Variants in DPP8 observed in about 807,000 individuals in gnomAD.
The protein encoded by DPP8 is DPP VIII.
In DPP8, 31 loss-of-function variants were observed where a neutral mutation model predicts 107.5. The ratio of observed to expected loss-of-function variants is 0.29; its 90% CI spans 0.22 to 0.39. DPP8 has a LOEUF of 0.39. Ranked by LOEUF, DPP8 falls within the 10% of genes least tolerant of loss-of-function variation. The pLI, the probability that DPP8 is intolerant of heterozygous loss-of-function variation, is 1.00. For missense variants in DPP8, 842 were observed against 1,076.1 expected (o/e 0.78, Z 3.04); for synonymous variants, 381 against 356.6 (o/e 1.07, Z -0.77).
chr15:65,515,795 C>T (rs764135942), intron 1 of DPP8: 36 of 1,079,260 alleles, frequency 3.3e-5, no homozygotes, highest in Non-Finnish European at 4.4e-5. Context: ...TCAAAGCCTG[C>T]TCACCAGGAT....
In DPP8 at chr15:65,445,635, T is replaced by G. The variant is rs956638155; in HGVS notation, c.*1249A>C. Reference sequence around the variant, plus strand: ...AAACATTTGTATTTTAAGCTTACAATATCTAAATTATGTTCAAATAATTTT... The same window carrying G: ...AAACATTTGTATTTTAAGCTTACAAGATCTAAATTATGTTCAAATAATTTT... On this transcript the variant is annotated 3_prime_UTR_variant, in exon 20 of 20. Transcript: ENST00000300141. 6.5e-6 allele frequency: 1 copy of G among 153,458 alleles called. No homozygotes were observed. The highest frequency in any genetic ancestry group is 2.4e-5 in the African/African-American group (1 of 41,352). The allele number at this position is 153,458 out of a possible 1,614,324, so 9.5% of individuals were successfully genotyped here.
intron 11 of DPP8, among the ~76,000 whole-genome samples, chr15:65,477,143 G>A (rs953582550): frequency 4.6e-5 from 7 of 152,238 alleles, no homozygotes; most frequent in Non-Finnish European, 7.3e-5. Flanking sequence ...ATAATCAGCC[G>A]GGTGAGATGG....
chr15:65,466,418 G>C (rs2065356169), intron 14 of DPP8, among the ~76,000 whole-genome samples: 1 of 152,164 alleles, frequency 6.6e-6, no homozygotes, highest in Admixed American at 6.5e-5. Context: ...GATTACAGGT[G>C]TGAGCCACTG....
At chr15:65,474,370 C>G (rs751893505) in intron 11 of DPP8, 82 bp from the exon 12 acceptor site, 1 of 1,049,288 alleles carries the variant, frequency 9.5e-7, no homozygotes, top group Non-Finnish European at 1.4e-6. Context: ...ACTCTAAGCT[C>G]TTTTTTCCAA....
intron 13 of DPP8, 28 bp from the exon 14 acceptor site, chr15:65,466,841 T>C (rs1163903969): frequency 6.2e-7 from 1 of 1,602,118 alleles, no homozygotes; most frequent in South Asian, 1.1e-5. Context: ...AATTATATTT[T>C]TCGTCAGGAA....
chr15:65,497,750 G>A, intron 5 of DPP8, 114 bp downstream of exon 5: 1 of 823,648 alleles, frequency 1.2e-6, no homozygotes. Flanking sequence ...TTAAAGACTT[G>A]AATTTCAAAT....
chr15:65,474,011 G>A (rs1192740236), intron 12 of DPP8, among the ~76,000 whole-genome samples, 198 bp downstream of exon 12: 1 of 152,158 alleles, frequency 6.6e-6, no homozygotes, highest in Non-Finnish European at 1.5e-5. Flanking sequence ...GGCAGAGGCA[G>A]GAGAACTGCT....
chr15:65,476,050 C>G (rs2066358695), intron 11 of DPP8, among the ~76,000 whole-genome samples: 1 of 152,232 alleles, frequency 6.6e-6, no homozygotes, highest in Non-Finnish European at 1.5e-5. Context: ...CCTCACCCAG[C>G]ACCCATTTGT....
chr15:65,458,895 A>G (rs535095950), intron 15 of DPP8: 7 of 152,270 alleles, frequency 4.6e-5, no homozygotes, highest in African/African-American at 1.7e-4. Context: ...GAGTCACTTC[A>G]TAATTAACCC....
chr15:65,470,802 C>T (rs2065817111), intron 12 of DPP8, among the ~76,000 whole-genome samples: 1 of 151,720 alleles, frequency 6.6e-6, no homozygotes, highest in Non-Finnish European at 1.5e-5. Flanking sequence ...GCCTGTAATC[C>T]CAGCTACTTG....
chr15:65,443,043 G>A lies in DPP8; in HGVS notation c.*3841C>T, dbSNP rs919069564. 1.3e-5 allele frequency: 2 copies of A among 152,126 alleles called. No homozygotes were observed. The highest frequency in any genetic ancestry group is 4.8e-5 in the African/African-American group (2 of 41,408). The allele number at this position is 152,126 out of a possible 1,614,324, so 9.4% of individuals were successfully genotyped here. On this transcript the variant is annotated 3_prime_UTR_variant, in exon 20 of 20. Coordinates refer to ENST00000300141, the MANE Select transcript of DPP8 (RefSeq NM_130434.5). ...AAGGAAGACACATTTAGTGCAATGA[G>A]TTTAATTAACTTCAGAATGTCATAT...
chr15:65,486,835 G>T (rs917491104), intron 7 of DPP8, among the ~76,000 whole-genome samples: 1 of 152,134 alleles, frequency 6.6e-6, no homozygotes, highest in South Asian at 2.1e-4. Flanking sequence ...TCCAGAGGAA[G>T]GGTGGTGGGT....
Position 65,445,211 on chromosome 15 carries a change from T to C in DPP8, c.*1673A>G, listed in dbSNP as rs557912889. ...GTCAATGAAGTCCACCTCTTACCAA[T>C]AGTCACCAACCTTACTAATGGAGGC... On this transcript the variant is annotated 3_prime_UTR_variant, in exon 20 of 20. Transcript: ENST00000300141. 2 of 152,216 alleles carry C rather than the reference T, an allele frequency of 1.3e-5. No individual in the cohort carries two copies. Among genetic ancestry groups the C allele is most frequent in the Non-Finnish European group, 2.9e-5 (2 of 68,044 alleles). 9.4% of individuals were successfully genotyped at this position (152,216 alleles called of 1,614,324 possible).
At chr15:65,503,533 C>T (rs944338766) in intron 3 of DPP8, among the ~76,000 whole-genome samples, 1 of 152,066 alleles carries the variant, frequency 6.6e-6, no homozygotes, top group Admixed American at 6.6e-5. Flanking sequence ...CTCTGCCTCC[C>T]TGGCTCATGC....
chr15:65,517,277 A>C (rs1043562064), intron 1 of DPP8: 1 of 152,294 alleles, frequency 6.6e-6, no homozygotes, highest in African/African-American at 2.4e-5. Context: ...GGAATCTCAG[A>C]GCCTCGGCTT....
At chr15:65,496,985 G>GTTGCAGTTAGAA in intron 5 of DPP8, among the ~76,000 whole-genome samples, 1 of 152,228 alleles carries the variant, frequency 6.6e-6, no homozygotes, top group South Asian at 2.1e-4. Flanking sequence ...CACCTCCCAG[G>GTTGCAGTTAGAA]TTCAAGCAAT....
chr15:65,481,084 A>AG (rs1030841157), intron 9 of DPP8, among the ~76,000 whole-genome samples: 1 of 33,156 alleles, frequency 3.0e-5, no homozygotes, highest in Admixed American at 2.1e-4. Flanking sequence ...ACCATGACTC[A>AG]AAAAAAAAAA....
intron 10 of DPP8, among the ~76,000 whole-genome samples, chr15:65,479,939 A>G (rs541285318): frequency 1.3e-5 from 2 of 151,974 alleles, no homozygotes; most frequent in Admixed American, 6.6e-5. Flanking sequence ...GACCAGACTC[A>G]TGAAGTCCTC....
At chr15:65,448,542 G>A (rs951002499) in intron 19 of DPP8, among the ~76,000 whole-genome samples, 8 of 150,578 alleles carry the variant, frequency 5.3e-5, no homozygotes, top group African/African-American at 1.7e-4. Flanking sequence ...CGTGGTGGCG[G>A]GCACCGGTAG....
Sources: allele counts gnomAD v4.1 joint callset (sites outside exome capture counted in the v4.1 genomes callset), GRCh38; gene constraint gnomAD v4.1.1; transcripts MANE v1.5; gene names NCBI Gene and HGNC (gene_info 2026-07-23, HGNC 2026-07-21).